The following SCFD1 variants were observed in gnomAD, a reference collection of about 807,000 sequenced individuals.
SCFD1 encodes the protein sec1 family domain-containing protein 1.
Under a neutral mutation model 103.2 loss-of-function variants are expected in SCFD1, and 37 were observed. That is an observed-to-expected ratio of 0.36 (90% confidence interval 0.28 to 0.47). The LOEUF is 0.47. Ranked by LOEUF, SCFD1 falls within the 20% of genes least tolerant of loss-of-function variation. The pLI is 1.00. For missense variants in SCFD1, 639 were observed against 761.2 expected (o/e 0.84, Z 1.89); for synonymous variants, 264 against 245.0 (o/e 1.08, Z -0.73).
In SCFD1 at chr14:30,730,252, C is replaced by CT. The variant is rs566856011; in HGVS notation, c.1837-4537dup. Among the ~76,000 whole-genome samples the CT allele has an allele frequency of 3.0e-3, 452 of 152,330 alleles. 2 individuals are homozygous for CT. Among genetic ancestry groups the CT allele is most frequent in the African/African-American group, 0.01 (434 of 41,570 alleles). On this transcript the variant is annotated intron_variant, in intron 23 of 24. Transcript: ENST00000458591. The stretch of plus-strand genomic sequence containing the variant: ...ATGTGCCACATTTTCTTAATCCAGT[C>CT]TATCATTGATGGACATTTGGGTTGG...
In SCFD1 at chr14:30,694,784, G is replaced by A. The variant is rs758954993; in HGVS notation, c.1254G>A (p.Leu418=). The A allele has an allele frequency of 1.9e-6, 3 of 1,578,430 alleles. No individual in the cohort carries two copies. The highest frequency in any genetic ancestry group is 2.8e-5 in the African/African-American group (2 of 72,286). Residue 418 remains leucine, a synonymous_variant, in exon 15 of 25, where the codon TTG becomes TTA. Coordinates refer to ENST00000458591, the MANE Select transcript of SCFD1 (RefSeq NM_016106.4). ...TTATTTTGAAACAGGCAAGAAAATT[G>A]GATGTATATTTTGAATATGAAGAAA... is the stretch of plus-strand genomic sequence containing the variant. ...AVLEHIKARK[L]DVYFEYEEKI...
At chr14:30,675,242 G>A (rs1332115252) in intron 14 of SCFD1, 177 bp downstream of exon 14, 1 of 412,032 alleles carries the variant, frequency 2.4e-6, no homozygotes, top group African/African-American at 2.1e-5. Context: ...TAGGAATCCA[G>A]AAAGATAAGT....
intron 7 of SCFD1, among the ~76,000 whole-genome samples, chr14:30,644,573 T>A (rs1885619506): frequency 6.6e-6 from 1 of 152,158 alleles, no homozygotes; most frequent in Admixed American, 6.6e-5. Flanking sequence ...CTCATTGTGG[T>A]TTTGATTTGC....
intron 19 of SCFD1, among the ~76,000 whole-genome samples, chr14:30,714,238 C>CAGCT (rs1386914082): frequency 6.6e-6 from 1 of 151,588 alleles, no homozygotes; most frequent in Non-Finnish European, 1.5e-5. Context: ...CCTGTAGTCC[C>CAGCT]AGCTACTCGG....
intron 16 of SCFD1, among the ~76,000 whole-genome samples, chr14:30,701,552 CAAAAA>C (rs947911549): frequency 4.9e-5 from 7 of 143,006 alleles, no homozygotes; most frequent in Admixed American, 1.4e-4. Flanking sequence ...AACTCCATCT[CAAAAA>C]AAAAAAGTAT....
At chr14:30,635,950 A>G (rs1309817108) in intron 4 of SCFD1, among the ~76,000 whole-genome samples, 1 of 152,116 alleles carries the variant, frequency 6.6e-6, no homozygotes, top group East Asian at 1.9e-4. Flanking sequence ...AGCCATCCTA[A>G]TAGGTTTGAA....
chr14:30,728,232 CA>C (rs1246710152), intron 23 of SCFD1, among the ~76,000 whole-genome samples: 1 of 152,172 alleles, frequency 6.6e-6, no homozygotes, highest in East Asian at 1.9e-4. Flanking sequence ...TTCCATCATG[CA>C]ACTCTGTCTC....
intron 3 of SCFD1, among the ~76,000 whole-genome samples, chr14:30,631,910 G>A (rs1364971431): frequency 1.3e-5 from 2 of 151,872 alleles, no homozygotes; most frequent in African/African-American, 4.8e-5. Flanking sequence ...GCTGGGCATG[G>A]TGGCGTACCC....
intron 1 of SCFD1, among the ~76,000 whole-genome samples, chr14:30,627,128 C>T (rs1187941086): frequency 6.6e-6 from 1 of 152,072 alleles, no homozygotes; most frequent in East Asian, 1.9e-4. Flanking sequence ...GAATATTTGG[C>T]CATCTCAGTT....
intron 15 of SCFD1, among the ~76,000 whole-genome samples, chr14:30,695,740 C>T (rs1890651079): frequency 6.6e-6 from 1 of 151,942 alleles, no homozygotes; most frequent in Non-Finnish European, 1.5e-5. Context: ...GGCAGGGTGG[C>T]ATGCATCTGT....
intron 14 of SCFD1, among the ~76,000 whole-genome samples, chr14:30,679,202 G>T (rs1403187723): frequency 6.6e-6 from 1 of 150,842 alleles, no homozygotes; most frequent in African/African-American, 2.4e-5. Context: ...TTATCATCTT[G>T]TGCCTTTTTC....
At chr14:30,725,785 G>A (rs2378782) in intron 23 of SCFD1, among the ~76,000 whole-genome samples, 75,258 of 151,980 alleles carry the variant, frequency 0.5, 21,581 homozygotes, top group African/African-American at 0.79. Flanking sequence ...GGAATGGTTA[G>A]TACTCCTCTA....
At chr14:30,717,229 A>G (rs1831859151) in intron 20 of SCFD1, among the ~76,000 whole-genome samples, 1 of 152,208 alleles carries the variant, frequency 6.6e-6, no homozygotes, top group South Asian at 2.1e-4. Flanking sequence ...TAATCCCAGC[A>G]CTTTAGGTGG....
chr14:30,700,439 G>A (rs530752028), intron 16 of SCFD1, among the ~76,000 whole-genome samples, 181 bp downstream of exon 16: 31 of 152,320 alleles, frequency 2.0e-4, no homozygotes, highest in East Asian at 5.8e-4. Context: ...TTGGGAGGCC[G>A]AGGCAGGCAG....
intron 1 of SCFD1, 81 bp downstream of exon 1, chr14:30,622,480 A>T: frequency 6.6e-7 from 1 of 1,513,900 alleles, no homozygotes; most frequent in East Asian, 2.5e-5. Context: ...CAGCTCAGAG[A>T]CCGATCTCCA....
At chr14:30,667,296 G>C (rs185228416) in intron 10 of SCFD1, among the ~76,000 whole-genome samples, 2 of 152,254 alleles carry the variant, frequency 1.3e-5, no homozygotes, top group Admixed American at 6.5e-5. Flanking sequence ...CAGAACCAAA[G>C]ACAAAAACCA....
Position 30,708,018 on chromosome 14 carries a change from T to G in SCFD1, c.1582T>G (p.Ser528Ala). ...GLLSRVMNTG[S>A]QFVMEGVKNL... ...TTTATCACGAGTCATGAATACAGGA[T>G]CACAGTTTGTGATGGAAGGAGTGAA... is the stretch of plus-strand genomic sequence containing the variant. Residue 528 changes from serine to alanine, a missense_variant, in exon 19 of 25, where the codon TCA becomes GCA. Ser to Ala is a moderately conservative substitution (Grantham distance 99). Coordinates refer to ENST00000458591, the MANE Select transcript of SCFD1 (RefSeq NM_016106.4). The G allele has an allele frequency of 9.3e-6, 15 of 1,613,440 alleles. No individual in the cohort carries two copies. Among genetic ancestry groups the G allele is most frequent in the Non-Finnish European group, 1.3e-5 (15 of 1,179,474 alleles).
At position 30,660,483 on chromosome 14, in the gene SCFD1, G is replaced by C. The variant is rs1021159584; in HGVS notation, c.855+6895G>C. Reference sequence around the variant, plus strand: ...TTGTCAGCATGATCCATCCATTAAGGGTTCTCCATAAATCTTTTACCTAAA... The same window carrying C: ...TTGTCAGCATGATCCATCCATTAAGCGTTCTCCATAAATCTTTTACCTAAA... On this transcript the variant is annotated intron_variant, in intron 10 of 24. Coordinates refer to ENST00000458591, the MANE Select transcript of SCFD1 (RefSeq NM_016106.4). 2.0e-5 allele frequency among the ~76,000 whole-genome samples: 3 copies of C among 152,022 alleles called. No homozygotes were observed. In the South Asian group the frequency reaches 6.2e-4, roughly 32 times the overall value.
intron 23 of SCFD1, among the ~76,000 whole-genome samples, chr14:30,723,663 C>T (rs1382787649): frequency 6.6e-6 from 1 of 152,168 alleles, no homozygotes; most frequent in Non-Finnish European, 1.5e-5. Flanking sequence ...GTTTTCTGTT[C>T]CTGAGTTAGT....
Sources: gnomAD v4.1 joint callset for allele counts (sites outside exome capture counted in the v4.1 genomes callset) on GRCh38, gnomAD v4.1.1 for gene constraint, MANE v1.5 for transcripts, NCBI Gene and HGNC (gene_info 2026-07-23, HGNC 2026-07-21) for gene names.